The following NRG1 variants were observed in gnomAD, a reference collection of about 807,000 sequenced individuals.
The protein encoded by NRG1 is pro-neuregulin-1, membrane-bound isoform.
A neutral mutation model predicts 63.8 loss-of-function variants in NRG1; 18 were observed. The ratio of observed to expected loss-of-function variants is 0.28; its 90% CI spans 0.19 to 0.42. NRG1 has a LOEUF of 0.42. Ranked by LOEUF, NRG1 falls within the 10% of genes least tolerant of loss-of-function variation. The pLI is 1.00. For missense variants in NRG1, 762 were observed against 814.7 expected (o/e 0.94, Z 0.79); for synonymous variants, 302 against 301.3 (o/e 1.00, Z -0.02).
At chr8:32,489,426 C>A (rs561651873) in intron 1 of NRG1, among the ~76,000 whole-genome samples, 1 of 152,110 alleles carries the variant, frequency 6.6e-6, no homozygotes, top group African/African-American at 2.4e-5. Flanking sequence ...CTGGAGCTGG[C>A]TGCAACCAAT....
intron 1 of NRG1, among the ~76,000 whole-genome samples, chr8:31,763,015 T>C (rs1002678862): frequency 6.6e-6 from 1 of 152,184 alleles, no homozygotes; most frequent in Non-Finnish European, 1.5e-5. Flanking sequence ...GTTAGTTTCA[T>C]ATTTGAAAAT....
At chr8:31,767,803 T>A (rs1818219634) in intron 1 of NRG1, among the ~76,000 whole-genome samples, 1 of 147,844 alleles carries the variant, frequency 6.8e-6, no homozygotes, top group African/African-American at 2.5e-5. Context: ...TGTGCCATTG[T>A]GCCATTACAC....
At chr8:32,170,722 T>G (rs1407798489) in intron 1 of NRG1, among the ~76,000 whole-genome samples, 1 of 152,224 alleles carries the variant, frequency 6.6e-6, no homozygotes, top group Non-Finnish European at 1.5e-5. Context: ...AAAGAAGGTT[T>G]CATTAAGATG....
chr8:32,313,368 TC>T (rs1343331584), intron 1 of NRG1, among the ~76,000 whole-genome samples: 2 of 152,140 alleles, frequency 1.3e-5, no homozygotes, highest in Admixed American at 6.5e-5. Context: ...TACTCAGCTG[TC>T]CCAGAATAGC....
chr8:32,098,015 T>C (rs1355359438), intron 1 of NRG1, among the ~76,000 whole-genome samples: 1 of 151,988 alleles, frequency 6.6e-6, no homozygotes, highest in African/African-American at 2.4e-5. Context: ...CATGTAAAGA[T>C]TATAGATAGA....
intron 1 of NRG1, among the ~76,000 whole-genome samples, chr8:32,536,820 A>G (rs1832019749): frequency 7.1e-6 from 1 of 141,570 alleles, no homozygotes; most frequent in South Asian, 2.4e-4. Flanking sequence ...GCTACTCGGG[A>G]GGCTGAGGCA....
At chr8:31,671,777 A>G (rs924471992) in intron 1 of NRG1, among the ~76,000 whole-genome samples, 2 of 152,152 alleles carry the variant, frequency 1.3e-5, no homozygotes, top group Admixed American at 1.3e-4. Context: ...GACTATCATT[A>G]ATTTTACAGG....
At chr8:32,002,703 C>A (rs1333404790) in intron 1 of NRG1, among the ~76,000 whole-genome samples, 1 of 152,000 alleles carries the variant, frequency 6.6e-6, no homozygotes, top group Non-Finnish European at 1.5e-5. Context: ...TATTGGGGTG[C>A]CCTTGCTTCT....
At chr8:31,879,931 T>C (rs1296438954) in intron 1 of NRG1, among the ~76,000 whole-genome samples, 1 of 152,230 alleles carries the variant, frequency 6.6e-6, no homozygotes, top group Non-Finnish European at 1.5e-5. Flanking sequence ...GGTGTATATG[T>C]ACCACATGTT....
intron 1 of NRG1, among the ~76,000 whole-genome samples, chr8:31,860,997 A>G (rs1173392390): frequency 6.6e-6 from 1 of 152,232 alleles, no homozygotes; most frequent in Non-Finnish European, 1.5e-5. Flanking sequence ...ACAAAAAGAA[A>G]GAAATCAGTT....
chr8:31,945,054 G>C (rs981459903), intron 1 of NRG1, among the ~76,000 whole-genome samples: 53 of 152,146 alleles, frequency 3.5e-4, no homozygotes, highest in African/African-American at 1.2e-3. Context: ...CCTGTTCAGA[G>C]ACAGAGGGAT....
At chr8:32,058,856 G>A (rs887720137) in intron 1 of NRG1, among the ~76,000 whole-genome samples, 3 of 151,960 alleles carry the variant, frequency 2.0e-5, no homozygotes, top group Non-Finnish European at 2.9e-5. Flanking sequence ...GGTCCCATAC[G>A]CTTTCCCCAA....
At chr8:32,647,237 G>GC in intron 5 of NRG1, 5 of 985,246 alleles carry the variant, frequency 5.1e-6, no homozygotes, top group Non-Finnish European at 6.0e-6. Context: ...CTCTCCTGCC[G>GC]CCGCTGCTGC....
intron 1 of NRG1, among the ~76,000 whole-genome samples, chr8:32,120,225 A>G (rs1316487728): frequency 6.6e-6 from 1 of 152,088 alleles, no homozygotes; most frequent in Non-Finnish European, 1.5e-5. Context: ...TATGTCTTAG[A>G]TTTCTACATT....
chr8:32,616,868 G>C (rs762481137), exon 5 of NRG1: 10 of 1,598,920 alleles, frequency 6.3e-6, no homozygotes, highest in Non-Finnish European at 8.6e-6. Flanking sequence ...TCCACAGAAG[G>C]AGCAAATACT....
chr8:32,643,513 C>G (rs1419750284), intron 5 of NRG1, among the ~76,000 whole-genome samples: 2 of 152,148 alleles, frequency 1.3e-5, no homozygotes, highest in Admixed American at 1.3e-4. Context: ...TGTGGGGGAG[C>G]CATCTTGAAC....
At chr8:32,397,208 C>T (rs1289502661) in intron 1 of NRG1, among the ~76,000 whole-genome samples, 1 of 152,086 alleles carries the variant, frequency 6.6e-6, no homozygotes, top group Non-Finnish European at 1.5e-5. Context: ...TATATTTTCT[C>T]TATTATTTTA....
rs191324869 is a variant in NRG1, at chr8:32,525,914, G to A, written c.38-69914G>A. 1.3e-3 allele frequency among the ~76,000 whole-genome samples: 196 copies of A among 152,230 alleles called. 1 individual carries two copies. Among genetic ancestry groups the A allele is most frequent in the Non-Finnish European group, 5.7e-4 (39 of 68,012 alleles). Reference sequence around the variant, plus strand: ...GCTGCCCATCTGATAAAATTTTAATGTCTTTTCTACTCTATCTCTTCTAGC... The same window carrying A: ...GCTGCCCATCTGATAAAATTTTAATATCTTTTCTACTCTATCTCTTCTAGC... On this transcript the variant is annotated intron_variant, in intron 1 of 10. Coordinates refer to the NRG1 transcript ENST00000519301.
chr8:32,671,899 A>G (rs997274154), intron 5 of NRG1, among the ~76,000 whole-genome samples: 1 of 152,158 alleles, frequency 6.6e-6, no homozygotes, highest in Admixed American at 6.5e-5. Flanking sequence ...AAAAGTCTTC[A>G]TTTTTGTGTT....
Sources: allele counts gnomAD v4.1 joint callset (sites outside exome capture counted in the v4.1 genomes callset), GRCh38; gene constraint gnomAD v4.1.1; transcripts MANE v1.5; gene names NCBI Gene and HGNC (gene_info 2026-07-23, HGNC 2026-07-21).